EVC2: variants seen among roughly 807,000 people sequenced by gnomAD.
The protein encoded by EVC2 is EvC ciliary complex subunit 2, also known as limbin.
Under a neutral mutation model 149.3 loss-of-function variants are expected in EVC2, and 148 were observed. That is an observed-to-expected ratio of 0.99 (90% CI 0.87 to 1.14). The LOEUF (loss-of-function observed/expected upper bound fraction) is 1.14. Among genes scored for constraint, EVC2 ranks in the 50% most tolerant of loss-of-function variants. The pLI is 0.00. For synonymous variants in EVC2, 776 were observed against 649.9 expected (o/e 1.19, Z -2.95); for missense variants, 1,854 against 1,627.3 (o/e 1.14, Z -2.40).
chr4:5,631,383 T>C (rs954236923), intron 11 of EVC2, among the ~76,000 whole-genome samples: 1 of 152,154 alleles, frequency 6.6e-6, no homozygotes, highest in South Asian at 2.1e-4. Flanking sequence ...GCCTGGCCTG[T>C]ATTTCCTTTC....
intron 22 of EVC2, chr4:5,543,002 T>A (rs754835261): frequency 4.7e-5 from 25 of 529,232 alleles, no homozygotes; most frequent in Non-Finnish European, 5.6e-5. Flanking sequence ...CCCACACTGT[T>A]AAGTGATGCG....
chr4:5,692,759 C>A (rs533489689), intron 3 of EVC2, among the ~76,000 whole-genome samples: 1 of 148,628 alleles, frequency 6.7e-6, no homozygotes, highest in Admixed American at 6.8e-5. Flanking sequence ...CCCAGCTACT[C>A]GGGAGGCTGA....
At chr4:5,672,544 G>A (rs1472228166) in intron 7 of EVC2, among the ~76,000 whole-genome samples, 2 of 152,160 alleles carry the variant, frequency 1.3e-5, no homozygotes, top group Non-Finnish European at 2.9e-5. Flanking sequence ...GTGGACTTTG[G>A]CTTTTGATGG....
intron 9 of EVC2, among the ~76,000 whole-genome samples, chr4:5,655,156 C>T (rs1299435558): frequency 6.6e-6 from 1 of 152,198 alleles, no homozygotes; most frequent in Non-Finnish European, 1.5e-5. Context: ...CTCTGCTCTC[C>T]AGTGACCCCT....
At chr4:5,676,069 G>A (rs1172592672) in intron 7 of EVC2, among the ~76,000 whole-genome samples, 3 of 152,152 alleles carry the variant, frequency 2.0e-5, no homozygotes, top group Non-Finnish European at 4.4e-5. Flanking sequence ...ACTGTGATCT[G>A]TTCTCCTGGT....
Position 5,584,732 on chromosome 4 carries a change from G to C in EVC2, c.2948C>G (p.Ser983Trp), listed in dbSNP as rs536732931. The C allele has an allele frequency of 1.2e-6, 2 of 1,614,046 alleles. No homozygotes were observed. The highest frequency in any genetic ancestry group is 2.7e-5 in the African/African-American group (2 of 74,908). The change falls in exon 17 of 22, where the codon TCG becomes TGG. Residue 983 changes from serine (S) to tryptophan (W), a missense_variant. Transcript: ENST00000344408. ...QKASRVTETL[S>W]AYTALLSIQD... Reference sequence around the variant, plus strand: ...GATGCTGAGGAGGGCGGTGTAGGCCGACAGAGTCTCGGTCACCCGGGACGC... The same window carrying C: ...GATGCTGAGGAGGGCGGTGTAGGCCCACAGAGTCTCGGTCACCCGGGACGC...
At chr4:5,708,196 G>T in intron 1 of EVC2, 90 bp downstream of exon 1, 1 of 1,176,626 alleles carries the variant, frequency 8.5e-7, no homozygotes, top group Non-Finnish European at 1.1e-6. Context: ...CATTCTTTGC[G>T]AAATACTAAG....
chr4:5,685,927 C>T (rs1244513683), intron 5 of EVC2, among the ~76,000 whole-genome samples: 1 of 152,202 alleles, frequency 6.6e-6, no homozygotes, highest in African/African-American at 2.4e-5. Context: ...CTGCCAGTCA[C>T]TGTTCTCACC....
Position 5,614,249 on chromosome 4 carries a change from T to A in EVC2, c.2829+1173A>T, listed in dbSNP as rs1389653796. ...GTAAGGTCACATTATCTAATTTCTTTCCTTAATAGCACTGATGACAGTCTA... is the reference window on the plus strand; with the variant it reads ...GTAAGGTCACATTATCTAATTTCTTACCTTAATAGCACTGATGACAGTCTA... On this transcript the variant is annotated intron_variant, in intron 16 of 21. Coordinates refer to ENST00000344408, the MANE Select transcript of EVC2 (RefSeq NM_147127.5). The surrounding 1 kb of genome is among the most constrained non-coding windows in gnomAD (Gnocchi z 4.7). Among the ~76,000 whole-genome samples, 1 of 152,170 alleles carries A rather than the reference T, an allele frequency of 6.6e-6. No individual in the cohort carries two copies. The highest frequency in any genetic ancestry group is 1.5e-5 in the Non-Finnish European group (1 of 68,036).
chr4:5,584,748 C>T lies in EVC2; in HGVS notation c.2932G>A (p.Val978Met), dbSNP rs773985362. 3 of 1,614,162 alleles carry T rather than the reference C, an allele frequency of 1.9e-6. No homozygotes were observed. The highest frequency in any genetic ancestry group is 2.5e-6 in the Non-Finnish European group (3 of 1,180,032). Reference protein sequence around the residue: ...VALQFQKASRVTETLSAYTAL... With the variant: ...VALQFQKASRMTETLSAYTAL... Reference sequence around the variant, plus strand: ...GTGTAGGCCGACAGAGTCTCGGTCACCCGGGACGCCTTCTGGAACTGCAGA... The same window carrying T: ...GTGTAGGCCGACAGAGTCTCGGTCATCCGGGACGCCTTCTGGAACTGCAGA... The change falls in exon 17 of 22, where the codon GTG becomes ATG. Residue 978 changes from valine to methionine, a missense_variant. Coordinates refer to ENST00000344408, the MANE Select transcript of EVC2 (RefSeq NM_147127.5).
rs1181330397 is a variant in EVC2 at position 5,657,685 on chromosome 4, CT to C, written c.1145+5421del. On this transcript the variant is annotated intron_variant, in intron 9 of 21. Coordinates refer to ENST00000344408, the MANE Select transcript of EVC2 (RefSeq NM_147127.5). This position sits in a 1 kb window ranked among gnomAD's most constrained non-coding sequence, Gnocchi z 4.7. ...GCAAGCAAGACAGAAGGTCCCTGCA[CT>C]CACATAACTTACTGCTCAGGTGGGT... 3.3e-5 allele frequency among the ~76,000 whole-genome samples: 5 copies of C among 151,202 alleles called. No individual in the cohort carries two copies. The highest frequency in any genetic ancestry group is 7.4e-5 in the Non-Finnish European group (5 of 67,940).
rs1413746914 is a variant in EVC2 at position 5,633,073 on chromosome 4, C to A, written c.1471-1041G>T. Among the ~76,000 whole-genome samples, 1 of 152,200 alleles carries A rather than the reference C, an allele frequency of 6.6e-6. No individual in the cohort carries two copies. The highest frequency in any genetic ancestry group is 1.9e-4 in the East Asian group (1 of 5,200). On this transcript the variant is annotated intron_variant, in intron 10 of 21. Transcript: ENST00000344408. This position sits in a 1 kb window ranked among gnomAD's most constrained non-coding sequence, Gnocchi z 4.4. ...AAGACTCTCCTGGGTGGGCCTGACT[C>A]CTTAAAAGAAGCATTGGAGCCTTCC...
downstream of EVC2, among the ~76,000 whole-genome samples, chr4:5,559,814 G>C (rs1210678660): frequency 5.3e-5 from 8 of 152,228 alleles, no homozygotes; most frequent in African/African-American, 1.9e-4. This position sits in a 1 kb window ranked among gnomAD's most constrained non-coding sequence, Gnocchi z 5.0. Context: ...AAATGGAAAA[G>C]AGATCATCTC....
Position 5,705,332 on chromosome 4 carries a change from G to C in EVC2, c.228+2954C>G, listed in dbSNP as rs561428064. ...AATTCTTGGGACATCAGATAGGCTT[G>C]CTACTGAGCACTGATTTCTCAGACA... is the stretch of plus-strand genomic sequence containing the variant. On this transcript the variant is annotated intron_variant, in intron 1 of 21. Coordinates refer to ENST00000344408, the MANE Select transcript of EVC2 (RefSeq NM_147127.5). Among the ~76,000 whole-genome samples, 462 of 152,262 alleles carry C rather than the reference G, an allele frequency of 3.0e-3. 3 individuals are homozygous for C. Among genetic ancestry groups the C allele is most frequent in the African/African-American group, 0.011 (452 of 41,556 alleles).
intron 6 of EVC2, among the ~76,000 whole-genome samples, chr4:5,683,451 C>T (rs1265221411): frequency 6.6e-6 from 1 of 152,176 alleles, no homozygotes; most frequent in African/African-American, 2.4e-5. Context: ...TAGCATGAAG[C>T]CAGAAAACAT....
chr4:5,705,752 T>A (rs1005349582), intron 1 of EVC2, among the ~76,000 whole-genome samples: 3 of 151,760 alleles, frequency 2.0e-5, no homozygotes, highest in African/African-American at 7.3e-5. Flanking sequence ...TGTGAGAAAA[T>A]GAGTAGAAAA....
intron 21 of EVC2, 76 bp downstream of exon 21, chr4:5,565,182 C>G: frequency 7.0e-7 from 1 of 1,420,016 alleles, no homozygotes; most frequent in Non-Finnish European, 9.9e-7. Flanking sequence ...CTTGTCACCT[C>G]CTGCCTCCCC....
rs1396053283 is a variant in EVC2, at chr4:5,640,854, A to C, written c.1146-16T>G. ...AATCTCCAACCTAGGAAACACAAAA[A>C]TCAAAAGAATTCCATTACATGAAAT... is the stretch of plus-strand genomic sequence containing the variant. On this transcript the variant is annotated splice_polypyrimidine_tract_variant and intron_variant, in intron 9 of 21. Transcript: ENST00000344408. This position sits in a 1 kb window ranked among gnomAD's most constrained non-coding sequence, Gnocchi z 4.6. 6.2e-7 allele frequency: 1 copy of C among 1,613,944 alleles called. No individual in the cohort carries two copies. The highest frequency in any genetic ancestry group is 1.1e-5 in the South Asian group (1 of 91,088).
Position 5,569,509 on chromosome 4 carries a change from T to G in EVC2, c.3361-869A>C, listed in dbSNP as rs1722520133. 6.6e-6 allele frequency among the ~76,000 whole-genome samples: 1 copy of G among 152,194 alleles called. No homozygotes were observed. Among genetic ancestry groups the G allele is most frequent in the African/African-American group, 2.4e-5 (1 of 41,450 alleles). On this transcript the variant is annotated intron_variant, in intron 19 of 21. Coordinates refer to ENST00000344408, the MANE Select transcript of EVC2 (RefSeq NM_147127.5). This position sits in a 1 kb window ranked among gnomAD's most constrained non-coding sequence, Gnocchi z 4.8. ...AAAATAACTTCAAAATTAAAAATTT[T>G]GGCCAGGCATGGGGGCTCACATCTG...
Sources: allele counts gnomAD v4.1 joint callset (sites outside exome capture counted in the v4.1 genomes callset), GRCh38; gene constraint gnomAD v4.1.1; non-coding constraint Gnocchi (gnomAD v3.1); transcripts MANE v1.5; gene names NCBI Gene and HGNC (gene_info 2026-07-23, HGNC 2026-07-21).